Variants in TMCC3 observed in about 807,000 individuals in gnomAD.
TMCC3 encodes the protein transmembrane and coiled-coil domain protein 3.
Under a neutral mutation model 40.2 loss-of-function variants are expected in TMCC3, and 28 were observed. That is an observed-to-expected ratio of 0.70 (90% CI 0.52 to 0.95). TMCC3 has a LOEUF of 0.95. Among genes scored for constraint, TMCC3 ranks in the 40% least tolerant of loss-of-function variants. The probability of loss-of-function intolerance (pLI) is 0.00; values close to 1 mark genes in which losing one functional copy is unlikely to be tolerated. For missense variants in TMCC3, 554 were observed against 615.2 expected, an observed-to-expected ratio of 0.90 and a Z score of 1.05; for synonymous variants, 255 against 248.5, an observed-to-expected ratio of 1.03 and a Z score of -0.25.
intron 2 of TMCC3, among the ~76,000 whole-genome samples, chr12:94,578,943 G>C (rs986128334): frequency 6.6e-6 from 1 of 152,156 alleles, no homozygotes; most frequent in Non-Finnish European, 1.5e-5. Flanking sequence ...TGCTGTTGGG[G>C]TTCATGGCCA....
Position 94,582,057 on chromosome 12 carries a change from C to A in TMCC3, c.560G>T (p.Gly187Val). 1 of 1,614,168 alleles carries A rather than the reference C, an allele frequency of 6.2e-7. No homozygotes were observed. Among genetic ancestry groups the A allele is most frequent in the Non-Finnish European group, 8.5e-7 (1 of 1,180,020 alleles). ...APHCMESSKS[G>V]MPGVSLTPPV... ...TGGAGTAAGTGAGACCCCTGGCATG[C>A]CCGATTTGCTGCTCTCCATGCAATG... The change falls in exon 2 of 4, where the codon GGC becomes GTC. Residue 187 changes from glycine to valine, a missense_variant. Coordinates refer to ENST00000261226, the MANE Select transcript of TMCC3 (RefSeq NM_020698.4).
intron 1 of TMCC3, among the ~76,000 whole-genome samples, chr12:94,617,946 T>A (rs1023808125): frequency 2.6e-5 from 4 of 152,238 alleles, no homozygotes; most frequent in Admixed American, 1.3e-4. Context: ...TCAGTTCAAG[T>A]AAAGGTCTTA....
At chr12:94,595,331 G>A (rs1040144898) in intron 1 of TMCC3, among the ~76,000 whole-genome samples, 17 of 152,162 alleles carry the variant, frequency 1.1e-4, no homozygotes, top group African/African-American at 3.9e-4. Flanking sequence ...TAGGGGGAAT[G>A]TGGTCAACCA....
intron 1 of TMCC3, among the ~76,000 whole-genome samples, chr12:94,603,107 CAG>C (rs2068762298): frequency 6.6e-6 from 1 of 152,094 alleles, no homozygotes; most frequent in African/African-American, 2.4e-5. Context: ...TTTTTTGAGA[CAG>C]AGTCTTGCTC....
chr12:94,598,525 G>A, intron 1 of TMCC3: 1 of 954,876 alleles, frequency 1.0e-6, no homozygotes, highest in African/African-American at 1.8e-5. Flanking sequence ...TCATAAGTAG[G>A]AGAAGAAATG....
At chr12:94,636,741 G>C (rs1020021424) in intron 1 of TMCC3, among the ~76,000 whole-genome samples, 2 of 152,238 alleles carry the variant, frequency 1.3e-5, no homozygotes, top group Non-Finnish European at 2.9e-5. Flanking sequence ...ACAAACTGTC[G>C]TGCTATGGAA....
intron 1 of TMCC3, chr12:94,591,176 C>A: frequency 6.8e-6 from 2 of 296,270 alleles, no homozygotes; most frequent in Admixed American, 8.9e-5. Context: ...AGTAGCCTTT[C>A]TAAATGTACA....
chr12:94,629,452 G>C (rs1001051350), intron 1 of TMCC3, among the ~76,000 whole-genome samples: 3 of 152,212 alleles, frequency 2.0e-5, no homozygotes, highest in African/African-American at 7.2e-5. Context: ...GTCCTCCCCA[G>C]CCTGAGCTCC....
intron 1 of TMCC3, among the ~76,000 whole-genome samples, chr12:94,646,431 C>CTTTTTTTTTT (rs34398994): frequency 1.1e-5 from 1 of 90,730 alleles, no homozygotes; most frequent in African/African-American, 4.8e-5. Context: ...AAGCACACAC[C>CTTTTTTTTTT]TTTTTTTTTT....
intron 1 of TMCC3, among the ~76,000 whole-genome samples, chr12:94,647,182 T>C (rs2069024308): frequency 6.6e-6 from 1 of 152,204 alleles, no homozygotes; most frequent in African/African-American, 2.4e-5. Context: ...ACAAGCACCA[T>C]TTCTGAGTTT....
chr12:94,636,656 G>A (rs1013905913), intron 1 of TMCC3, among the ~76,000 whole-genome samples: 1 of 152,240 alleles, frequency 6.6e-6, no homozygotes, highest in Admixed American at 6.5e-5. Context: ...AAACTAATCA[G>A]GTGAACTCCT....
intron 1 of TMCC3, among the ~76,000 whole-genome samples, chr12:94,603,874 A>G (rs142787715): frequency 1.2e-4 from 19 of 152,008 alleles, no homozygotes; most frequent in African/African-American, 3.4e-4. Flanking sequence ...ACAAATGCAC[A>G]ATGAATAAAT....
chr12:94,621,353 G>A (rs1045404563), intron 1 of TMCC3, among the ~76,000 whole-genome samples: 2 of 152,228 alleles, frequency 1.3e-5, no homozygotes, highest in Admixed American at 6.5e-5. Flanking sequence ...CTTTGGGGCT[G>A]GTGTTTCTCA....
At chr12:94,606,776 C>T (rs959899732) in intron 1 of TMCC3, among the ~76,000 whole-genome samples, 2 of 151,912 alleles carry the variant, frequency 1.3e-5, no homozygotes, top group South Asian at 2.1e-4. Flanking sequence ...ACGAACAGGG[C>T]GTAGGTCACA....
chr12:94,614,119 A>G (rs1221385521), intron 1 of TMCC3, among the ~76,000 whole-genome samples: 1 of 145,260 alleles, frequency 6.9e-6, no homozygotes, highest in Non-Finnish European at 1.5e-5. Flanking sequence ...AAAAAAAACT[A>G]TGGAGTAAAT....
chr12:94,579,415 G>A (rs1229125819), intron 2 of TMCC3, among the ~76,000 whole-genome samples: 3 of 152,198 alleles, frequency 2.0e-5, no homozygotes, highest in Admixed American at 2.0e-4. Flanking sequence ...GCTGAGATGG[G>A]AGAATTGCTT....
Position 94,578,507 on chromosome 12 carries a change from G to A in TMCC3, c.1018C>T (p.Leu340=). 1 of 1,614,098 alleles carries A rather than the reference G, an allele frequency of 6.2e-7. No individual in the cohort carries two copies. Among genetic ancestry groups the A allele is most frequent in the African/African-American group, 1.3e-5 (1 of 75,064 alleles). Residue 340 remains leucine, a synonymous_variant, in exon 3 of 4, where the codon CTG becomes TTG. Transcript: ENST00000261226. ...TGATGCAGGTCCGTCAGGTCATGCA[G>A]CTGGTCCTCCAGTCGCTCATACCTT... The part of the protein sequence containing the change: ...RYRYERLEDQ[L]HDLTDLHQHE...
chr12:94,631,656 T>A (rs1013338444), intron 1 of TMCC3, among the ~76,000 whole-genome samples: 5 of 152,352 alleles, frequency 3.3e-5, no homozygotes, highest in Non-Finnish European at 7.4e-5. Context: ...GGATACTTTG[T>A]CAAAGCAGCC....
At chr12:94,600,250 T>G (rs1217099211) in intron 1 of TMCC3, among the ~76,000 whole-genome samples, 2 of 149,458 alleles carry the variant, frequency 1.3e-5, no homozygotes, top group Non-Finnish European at 3.0e-5. Flanking sequence ...GTTTTTTTTT[T>G]TTTTTTTTTT....
Sources: allele counts gnomAD v4.1 joint callset (sites outside exome capture counted in the v4.1 genomes callset), GRCh38; gene constraint gnomAD v4.1.1; transcripts MANE v1.5; gene names NCBI Gene and HGNC (gene_info 2026-07-23, HGNC 2026-07-21).